Variants in LINGO2 observed in about 807,000 individuals in gnomAD.
The protein encoded by LINGO2 is leucine rich repeat and Ig domain containing 2, also known as leucine-rich repeat and immunoglobulin-like domain-containing nogo receptor-interacting protein 2.
A neutral mutation model predicts 30.6 loss-of-function variants in LINGO2; 14 were observed. The observed-to-expected ratio is 0.46, with a 90% CI of 0.30 to 0.72. The LOEUF (loss-of-function observed/expected upper bound fraction) is 0.72. Among genes scored for constraint, LINGO2 ranks in the 30% least tolerant of loss-of-function variants. The probability of loss-of-function intolerance (pLI) is 0.07; values close to 1 mark genes in which losing one functional copy is unlikely to be tolerated. For missense variants in LINGO2, 729 were observed against 751.7 expected, an observed-to-expected ratio of 0.97 and a Z score of 0.35; for synonymous variants, 317 against 288.5, an observed-to-expected ratio of 1.10 and a Z score of -1.00.
the LINGO2 span, among the ~76,000 whole-genome samples, chr9:29,119,648 C>A: frequency 7.8e-6 from 1 of 128,862 alleles, no homozygotes; most frequent in African/African-American, 3.0e-5. Flanking sequence ...TGCAATGGCT[C>A]TGTCTTGGCT....
At chr9:29,168,108 T>C in the LINGO2 span, among the ~76,000 whole-genome samples, 1 of 152,138 alleles carries the variant, frequency 6.6e-6, no homozygotes, top group East Asian at 1.9e-4. Flanking sequence ...GAACTAGGAA[T>C]AGAAAGACCT....
At chr9:28,564,039 T>TA (rs1823238503) in intron 1 of LINGO2, among the ~76,000 whole-genome samples, 1 of 152,122 alleles carries the variant, frequency 6.6e-6, no homozygotes, top group Non-Finnish European at 1.5e-5. Context: ...TTAAATCAAT[T>TA]ACAATGACAA....
At chr9:29,086,433 T>C in the LINGO2 span, among the ~76,000 whole-genome samples, 4 of 151,868 alleles carry the variant, frequency 2.6e-5, no homozygotes, top group Non-Finnish European at 5.9e-5. Context: ...AAAAAAAAAA[T>C]CTGGAAACCT....
chr9:29,045,657 C>T, the LINGO2 span, among the ~76,000 whole-genome samples: 4,193 of 150,366 alleles, frequency 0.028, 80 homozygotes, highest in Middle Eastern at 0.083. Flanking sequence ...AATTTTAAAA[C>T]GGTTTTTCCT....
the LINGO2 span, among the ~76,000 whole-genome samples, chr9:28,702,866 C>T: frequency 2.0e-5 from 3 of 151,776 alleles, no homozygotes; most frequent in Non-Finnish European, 4.4e-5. Context: ...TATTTCATCT[C>T]GGTTTTCAAG....
At chr9:28,388,630 G>A (rs557492391) in intron 2 of LINGO2, among the ~76,000 whole-genome samples, 4 of 152,084 alleles carry the variant, frequency 2.6e-5, no homozygotes, top group South Asian at 2.1e-4. Context: ...ATTTTAATAT[G>A]TATGTCCCTC....
exon 6 of LINGO2, chr9:27,949,895 G>A (rs753609087): frequency 1.2e-6 from 2 of 1,614,018 alleles, no homozygotes; most frequent in Non-Finnish European, 1.7e-6. Flanking sequence ...TAGACAGATT[G>A]GTGTTGGTGA....
intron 3 of LINGO2, among the ~76,000 whole-genome samples, chr9:28,299,349 G>A (rs1824047302): frequency 6.6e-6 from 1 of 152,020 alleles, no homozygotes; most frequent in African/African-American, 2.4e-5. Flanking sequence ...AAATTATGAG[G>A]CTTTCTACCT....
the LINGO2 span, among the ~76,000 whole-genome samples, chr9:29,023,704 C>T: frequency 2.6e-5 from 4 of 151,936 alleles, no homozygotes; most frequent in African/African-American, 9.7e-5. Flanking sequence ...ATTTACATGG[C>T]TTAAGTTAGT....
chr9:27,953,565 G>A (rs755614342), intron 5 of LINGO2, among the ~76,000 whole-genome samples: 1 of 151,946 alleles, frequency 6.6e-6, no homozygotes, highest in African/African-American at 2.4e-5. Flanking sequence ...TCCCCATGCT[G>A]CTGTTCTTGT....
downstream of LINGO2, chr9:27,944,013 A>G (rs1474125315): frequency 6.6e-6 from 1 of 152,210 alleles, no homozygotes. Flanking sequence ...TGGAAAGAGT[A>G]ACATCAGCCC....
At position 28,111,984 on chromosome 9, in the gene LINGO2, G is replaced by A. The variant is rs995543272; in HGVS notation, c.-86-99579C>T. 8.1e-4 allele frequency among the ~76,000 whole-genome samples: 116 copies of A among 143,084 alleles called. 3 individuals are homozygous for A. Among genetic ancestry groups the A allele is most frequent in the African/African-American group, 3.0e-3 (114 of 38,516 alleles). The allele number at this position is 143,084 out of a possible 152,430, so 93.9% of individuals were successfully genotyped here. A position where few individuals can be genotyped will look rare whatever the true frequency, so the allele number is the denominator to read the frequency against. Reference sequence around the variant, plus strand: ...GCAGGTTAGTTACATATGTATACATGTGCCATGCTGGTGCGCTGCACCCAC... The same window carrying A: ...GCAGGTTAGTTACATATGTATACATATGCCATGCTGGTGCGCTGCACCCAC... On this transcript the variant is annotated intron_variant, in intron 4 of 5. Transcript: ENST00000379992.
intron 1 of LINGO2, among the ~76,000 whole-genome samples, chr9:28,625,679 T>G (rs1260089399): frequency 6.6e-6 from 1 of 152,114 alleles, no homozygotes; most frequent in Non-Finnish European, 1.5e-5. Context: ...TATTGTTAAG[T>G]AGTATTTCAT....
At chr9:28,677,261 C>A in the LINGO2 span, among the ~76,000 whole-genome samples, 3 of 152,200 alleles carry the variant, frequency 2.0e-5, no homozygotes, top group Admixed American at 6.5e-5. Context: ...TTAAAAGATA[C>A]CAATAATGGC....
At chr9:29,028,427 G>GGGGGGGT in the LINGO2 span, among the ~76,000 whole-genome samples, 35 of 123,960 alleles carry the variant, frequency 2.8e-4, no homozygotes, top group African/African-American at 1.1e-3. Flanking sequence ...TGTGGGGGGG[G>GGGGGGGT]GTGAGAGAGA....
At chr9:28,684,344 C>T in the LINGO2 span, among the ~76,000 whole-genome samples, 378 of 150,304 alleles carry the variant, frequency 2.5e-3, 2 homozygotes, top group Non-Finnish European at 4.2e-3. Flanking sequence ...CCCGCCACCA[C>T]GCCCGGCTAA....
At chr9:28,591,930 T>A (rs1824933428) in intron 1 of LINGO2, among the ~76,000 whole-genome samples, 1 of 151,992 alleles carries the variant, frequency 6.6e-6, no homozygotes, top group Non-Finnish European at 1.5e-5. Context: ...ACAATGAGCT[T>A]CCTGGCAGCA....
At chr9:29,117,602 TA>T in the LINGO2 span, among the ~76,000 whole-genome samples, 1 of 152,224 alleles carries the variant, frequency 6.6e-6, no homozygotes, top group Non-Finnish European at 1.5e-5. Context: ...GGAAAGGCCA[TA>T]ACCTCCAGAG....
In LINGO2 at chr9:28,021,248, A is replaced by G. The variant is rs150503032; in HGVS notation, c.-86-8843T>C. 1.8e-3 allele frequency among the ~76,000 whole-genome samples: 268 copies of G among 152,194 alleles called. 1 individual carries two copies. Among genetic ancestry groups the G allele is most frequent in the African/African-American group, 6.1e-3 (252 of 41,558 alleles). ...TCGTTTTCATTTAAAGGTATTCTTC[A>G]GAGTTCTTTGACCCATGTGTTATGT... On this transcript the variant is annotated intron_variant, in intron 4 of 5. Transcript: ENST00000379992.
Sources: allele counts gnomAD v4.1 joint callset (sites outside exome capture counted in the v4.1 genomes callset), GRCh38; gene constraint gnomAD v4.1.1; transcripts MANE v1.5; gene names NCBI Gene and HGNC (gene_info 2026-07-23, HGNC 2026-07-21).